HDC: variants seen among roughly 807,000 people sequenced by gnomAD.
HDC encodes the protein histidine decarboxylase.
Under a neutral mutation model 64.4 loss-of-function variants are expected in HDC, and 27 were observed. The observed-to-expected ratio is 0.42, with a 90% CI of 0.31 to 0.58. HDC has a LOEUF of 0.58. Ranked by LOEUF, HDC falls within the 20% of genes least tolerant of loss-of-function variation. The pLI, the probability that HDC is intolerant of heterozygous loss-of-function variation, is 0.16. For missense variants in HDC, 711 were observed against 833.9 expected (o/e 0.85, Z 1.81); for synonymous variants, 305 against 314.2 (o/e 0.97, Z 0.31).
Position 50,243,001 on chromosome 15 carries a change from A to G in HDC, c.1248T>C (p.Pro416=), listed in dbSNP as rs1364006738. The change falls in exon 12 of 12, where the codon CCT becomes CCC. Residue 416 remains proline, a synonymous_variant. Transcript: ENST00000267845. ...LGLVVFRLKG[P]NCLTENVLKE... is the part of the protein sequence containing the mutation. ...TTAACACATTTTCTGTGAGACAATT[A>G]GGACCCTGTTTGAAAAATAAAGGAA... 13 of 1,614,010 alleles carry G rather than the reference A, an allele frequency of 8.1e-6. No individual in the cohort carries two copies. The highest frequency in any genetic ancestry group is 2.7e-5 in the African/African-American group (2 of 74,930).
At chr15:50,255,842 C>T (rs2045623116) in intron 4 of HDC, among the ~76,000 whole-genome samples, 1 of 152,082 alleles carries the variant, frequency 6.6e-6, no homozygotes, top group Non-Finnish European at 1.5e-5. Flanking sequence ...ATCTGTATTG[C>T]AATTCATAGT....
intron 2 of HDC, among the ~76,000 whole-genome samples, chr15:50,260,370 C>G (rs961145316): frequency 6.6e-6 from 1 of 152,126 alleles, no homozygotes; most frequent in Non-Finnish European, 1.5e-5. Flanking sequence ...GTTTACAGTA[C>G]AGACCCCATA....
intron 1 of HDC, among the ~76,000 whole-genome samples, chr15:50,264,502 A>G (rs1198990120): frequency 6.6e-6 from 1 of 152,186 alleles, no homozygotes; most frequent in Non-Finnish European, 1.5e-5. Context: ...TAAGGAAGGA[A>G]AAAAAAGTCA....
At chr15:50,245,640 A>T (rs2045471655) in intron 10 of HDC, among the ~76,000 whole-genome samples, 1 of 152,166 alleles carries the variant, frequency 6.6e-6, no homozygotes, top group African/African-American at 2.4e-5. Flanking sequence ...CATGCCTGTA[A>T]TCCTCGCACT....
chr15:50,253,179 GT>G (rs1280384557), intron 7 of HDC: 1 of 373,454 alleles, frequency 2.7e-6, no homozygotes, highest in African/African-American at 2.1e-5. Flanking sequence ...TCCCATCTGG[GT>G]TTCCTCTCTG....
rs1024930254 is a variant in HDC, at chr15:50,242,803, T to C, written c.1446A>G (p.Gln482=). The change falls in exon 12 of 12, where the codon CAA becomes CAG. Residue 482 remains glutamine (Q), a synonymous_variant. Transcript: ENST00000267845. ...TLILSQHCTS[Q]PSPRVGNLIS... The stretch of plus-strand genomic sequence containing the variant: ...TGAGGTTCCCAACCCGAGGGCTGGG[T>C]TGGGAAGTACAGTGCTGACTCAGGA... The C allele has an allele frequency of 3.2e-5, 51 of 1,613,710 alleles. No homozygotes were observed. Among genetic ancestry groups the C allele is most frequent in the Non-Finnish European group, 4.0e-5 (47 of 1,179,958 alleles).
rs528571233 is a variant in HDC at position 50,258,655 on chromosome 15, C to T, written c.205-138G>A. ...TTTTAAGCAGAAATAAGTGACATAA[C>T]TCCATGAAAATCAGACTTGTTCACT... On this transcript the variant is annotated intron_variant, in intron 2 of 11. Coordinates refer to ENST00000267845, the MANE Select transcript of HDC (RefSeq NM_002112.4). 13 of 693,528 alleles carry T rather than the reference C, an allele frequency of 1.9e-5. No homozygotes were observed. The African/African-American group carries it at 1.9e-4, about 10-fold the overall frequency. 43.0% of individuals were successfully genotyped at this position (693,528 alleles called of 1,614,324 possible).
intron 2 of HDC, among the ~76,000 whole-genome samples, chr15:50,262,175 G>A (rs2045712921): frequency 6.6e-6 from 1 of 152,076 alleles, no homozygotes; most frequent in Non-Finnish European, 1.5e-5. Flanking sequence ...GGCAATGCTA[G>A]GGGCCCAGGC....
intron 9 of HDC, among the ~76,000 whole-genome samples, chr15:50,249,088 C>T (rs1407259688): frequency 6.6e-6 from 1 of 152,190 alleles, no homozygotes; most frequent in African/African-American, 2.4e-5. Flanking sequence ...GATCTGAGAG[C>T]CATCACTCCA....
chr15:50,254,397 G>A (rs2045599012), intron 5 of HDC, 124 bp from the exon 6 acceptor site: 1 of 1,522,760 alleles, frequency 6.6e-7, no homozygotes, highest in African/African-American at 1.4e-5. Flanking sequence ...CCCTACAGTT[G>A]CTGGAGACAA....
rs376378394 is a variant in HDC at position 50,254,539 on chromosome 15, G to A, written c.567C>T (p.Ala189=). The A allele has an allele frequency of 6.8e-5, 109 of 1,614,210 alleles. 1 individual carries two copies. In the Middle Eastern group the frequency reaches 8.3e-4, roughly 12 times the overall value. Residue 189 remains alanine, a synonymous_variant, in exon 5 of 12, where the codon GCC becomes GCT. Transcript: ENST00000267845. ...GCGTCGGGCAACTCACCTGGTCAGA[G>A]GCATAGGCCACGAGTCGGGCATTTA... is the stretch of plus-strand genomic sequence containing the variant. ...SCLNARLVAY[A]SDQAHSSVEK... is the part of the protein sequence containing the mutation.
At chr15:50,257,316 G>T in intron 4 of HDC, 109 bp downstream of exon 4, 1 of 1,356,666 alleles carries the variant, frequency 7.4e-7, no homozygotes, top group Non-Finnish European at 1.0e-6. Context: ...GACGGTGTGG[G>T]TAATGTGGGG....
chr15:50,253,470 T>C lies in HDC; in HGVS notation c.787+130A>G, dbSNP rs2045584885. 24 of 858,814 alleles carry C rather than the reference T, an allele frequency of 2.8e-5. No homozygotes were observed. In the South Asian group the frequency reaches 3.2e-4, roughly 12 times the overall value. The allele number at this position is 858,814 out of a possible 1,614,324, so 53.2% of individuals were successfully genotyped here. A position where few individuals can be genotyped will look rare whatever the true frequency, so the allele number is the denominator to read the frequency against. ...AGAGACCCTCATGACCTTTGGTGGT[T>C]CTTCCCATGTCTCTGCATTGACCAA... On this transcript the variant is annotated intron_variant, in intron 7 of 11. Coordinates refer to ENST00000267845, the MANE Select transcript of HDC (RefSeq NM_002112.4).
In HDC at chr15:50,242,668, C is replaced by G. The variant is rs1199193701; in HGVS notation, c.1581G>C (p.Gln527His). 2 of 1,614,194 alleles carry G rather than the reference C, an allele frequency of 1.2e-6. No individual in the cohort carries two copies. Among genetic ancestry groups the G allele is most frequent in the Admixed American group, 3.3e-5 (2 of 60,022 alleles). ...TTTTCATGGGACCGGCTCCCACACG[C>G]TGAGGCTGCTTGATGATCTTCCTGG... Reference protein sequence around the residue: ...VQARKIIKQPQRVGAGPMKRE... With the variant: ...VQARKIIKQPHRVGAGPMKRE... The change falls in exon 12 of 12, where the codon CAG (glutamine) becomes CAC (histidine). Residue 527 changes from glutamine to histidine, a missense_variant. Gln to His is a conservative substitution (Grantham distance 24). Around this residue, in one of 3 missense-constraint regions of HDC, gnomAD observed 483 missense variants for 540.9 expected, o/e 0.89. Transcript: ENST00000267845.
At chr15:50,243,914 A>T (rs1188701527) in intron 10 of HDC, among the ~76,000 whole-genome samples, 1 of 152,252 alleles carries the variant, frequency 6.6e-6, no homozygotes, top group Non-Finnish European at 1.5e-5. Flanking sequence ...AATTCTGGAA[A>T]TAATGGTGAT....
chr15:50,253,622 G>A lies in HDC; in HGVS notation c.765C>T (p.Cys255=), dbSNP rs1289759149. 1 of 1,613,854 alleles carries A rather than the reference G, an allele frequency of 6.2e-7. No individual in the cohort carries two copies. Among genetic ancestry groups the A allele is most frequent in the East Asian group, 2.2e-5 (1 of 44,882 alleles). ...LGTTGVCAFD[C]LSELGPICAR... is the part of the protein sequence containing the mutation. ...TACAGATGGGGCCCAGCTCTGACAGGCAGTCAAATGCACAGACCCCAGTGG... is the reference window on the plus strand; with the variant it reads ...TACAGATGGGGCCCAGCTCTGACAGACAGTCAAATGCACAGACCCCAGTGG... Residue 255 remains cysteine, a synonymous_variant, in exon 7 of 12, where the codon TGC becomes TGT. Coordinates refer to ENST00000267845, the MANE Select transcript of HDC (RefSeq NM_002112.4).
intron 10 of HDC, among the ~76,000 whole-genome samples, chr15:50,244,077 C>A (rs189419093): frequency 6.6e-6 from 1 of 152,282 alleles, no homozygotes; most frequent in Admixed American, 6.5e-5. Flanking sequence ...TTCATACCAT[C>A]TTTTTAAATG....
At chr15:50,251,130 A>G (rs1467757630) in intron 9 of HDC, among the ~76,000 whole-genome samples, 1 of 152,256 alleles carries the variant, frequency 6.6e-6, no homozygotes, top group Non-Finnish European at 1.5e-5. Flanking sequence ...TGTGGTCATC[A>G]GCCTCATTTG....
At chr15:50,265,460 G>T in intron 1 of HDC, 133 bp downstream of exon 1, 1 of 785,552 alleles carries the variant, frequency 1.3e-6, no homozygotes. Context: ...AAAAAATGTT[G>T]CTGGTGCCAA....
Sources: gnomAD v4.1 joint callset for allele counts (sites outside exome capture counted in the v4.1 genomes callset) on GRCh38, gnomAD v4.1.1 for gene constraint, gnomAD v4.1.1 regional missense constraint, MANE v1.5 for transcripts, NCBI Gene and HGNC (gene_info 2026-07-23, HGNC 2026-07-21) for gene names.